Variants in SLC25A6 observed in about 807,000 individuals in gnomAD.
The protein encoded by SLC25A6 is ADP/ATP translocase 3.
A neutral mutation model predicts 25.7 loss-of-function variants in SLC25A6; 9 were observed. The ratio of observed to expected loss-of-function variants is 0.35; its 90% CI spans 0.21 to 0.61. The LOEUF is 0.61. Among genes scored for constraint, SLC25A6 ranks in the 20% least tolerant of loss-of-function variants. The probability of loss-of-function intolerance (pLI) is 0.76; values close to 1 mark genes in which losing one functional copy is unlikely to be tolerated. For synonymous variants in SLC25A6, 223 were observed against 197.0 expected (o/e 1.13, Z -1.11); for missense variants, 404 against 440.5 (o/e 0.92, Z 0.74).
Position 1,389,622 on chromosome X carries a change from C to G in SLC25A6, c.217G>C (p.Gly73Arg). The G allele has an allele frequency of 6.2e-7, 1 of 1,614,114 alleles. No individual in the cohort carries two copies. Among genetic ancestry groups the G allele is most frequent in the Non-Finnish European group, 8.5e-7 (1 of 1,180,024 alleles). Residue 73 changes from glycine (G) to arginine (R), a missense_variant, in exon 2 of 4, where the codon GGC becomes CGC. Gly to Arg is a moderately radical substitution (Grantham distance 125, BLOSUM62 -2). Coordinates refer to ENST00000381401, the MANE Select transcript of SLC25A6 (RefSeq NM_001636.4). ...KEQGVLSFWR[G>R]NLANVIRYFP... ...TAGCGAATGACGTTGGCAAGGTTGC[C>G]CCTCCAGAAGGACAGCACGCCCTGC...
At chrX:1,390,365 A>C in intron 1 of SLC25A6, 1 of 154,146 alleles carries the variant, frequency 6.5e-6, no homozygotes, top group Non-Finnish European at 1.4e-5. Context: ...TGGGAGGCTG[A>C]GGTGGGTGGA....
chrX:1,386,943 G>C (rs1603449634), intron 3 of SLC25A6, among the ~76,000 whole-genome samples, 184 bp from the exon 4 acceptor site: 1 of 152,080 alleles, frequency 6.6e-6, no homozygotes, highest in Non-Finnish European at 1.5e-5. Context: ...CTGTCTCAGG[G>C]AGGGCTGGAC....
At chrX:1,389,205 C>A in intron 2 of SLC25A6, 36 bp downstream of exon 2, 1 of 1,596,242 alleles carries the variant, frequency 6.3e-7, no homozygotes, top group East Asian at 2.2e-5. Flanking sequence ...TGTGTTGAGC[C>A]CGTCTCTGGG....
At position 1,386,392 on chromosome X, in the gene SLC25A6, C is replaced by T. The variant is rs1336410102; in HGVS notation, c.*210G>A. ...GCAGGGACGCCACGGTTCCCTCCCA[C>T]CCCGTGATCAAGACACGGAATCGGC... On this transcript the variant is annotated 3_prime_UTR_variant, in exon 4 of 4. Coordinates refer to ENST00000381401, the MANE Select transcript of SLC25A6 (RefSeq NM_001636.4). 3.4e-6 allele frequency: 2 copies of T among 579,758 alleles called. No homozygotes were observed. The highest frequency in any genetic ancestry group is 5.5e-6 in the Non-Finnish European group (2 of 365,734). 35.9% of individuals were successfully genotyped at this position (579,758 alleles called of 1,614,324 possible).
rs1452528944 is a variant in SLC25A6 at position 1,386,572 on chromosome X, T to A, written c.*30A>T. The A allele has an allele frequency of 2.0e-6, 3 of 1,478,122 alleles. No individual in the cohort carries two copies. Among genetic ancestry groups the A allele is most frequent in the Admixed American group, 2.4e-5 (1 of 42,294 alleles). The allele number at this position is 1,478,122 out of a possible 1,614,324, so 91.6% of individuals were successfully genotyped here. On this transcript the variant is annotated 3_prime_UTR_variant, in exon 4 of 4. Coordinates refer to ENST00000381401, the MANE Select transcript of SLC25A6 (RefSeq NM_001636.4). ...CGTGGTTCTCTTGGTTCCCCTGGTGTGTGTGTGTGTGTGGAGGAGGCCGCG... is the reference window on the plus strand; with the variant it reads ...CGTGGTTCTCTTGGTTCCCCTGGTGAGTGTGTGTGTGTGGAGGAGGCCGCG...
chrX:1,391,236 C>T (rs2089404965), intron 1 of SLC25A6, among the ~76,000 whole-genome samples: 1 of 152,150 alleles, frequency 6.6e-6, no homozygotes, highest in Non-Finnish European at 1.5e-5. Context: ...GCGCTGGGAT[C>T]GCGGGCGTGA....
At chrX:1,391,297 G>T (rs2089406442) in intron 1 of SLC25A6, among the ~76,000 whole-genome samples, 1 of 152,126 alleles carries the variant, frequency 6.6e-6, no homozygotes, top group Non-Finnish European at 1.5e-5. Context: ...CTGTCACTCG[G>T]AGTACAACGT....
chrX:1,387,558 G>T, intron 2 of SLC25A6, 139 bp from the exon 3 acceptor site: 1 of 1,253,548 alleles, frequency 8.0e-7, no homozygotes, highest in Non-Finnish European at 1.1e-6. Flanking sequence ...CCACGTGGCT[G>T]CTCAGTGCCA....
intron 2 of SLC25A6, among the ~76,000 whole-genome samples, chrX:1,388,989 G>T (rs1322277047): frequency 6.6e-6 from 1 of 151,014 alleles, no homozygotes; most frequent in Non-Finnish European, 1.5e-5. Context: ...CCCAGTCTAT[G>T]GTATTCTGTG....
At chrX:1,389,156 C>T in intron 2 of SLC25A6, 85 bp downstream of exon 2, 2 of 1,485,010 alleles carry the variant, frequency 1.3e-6, no homozygotes, top group Non-Finnish European at 1.8e-6. Context: ...CACACCTTAT[C>T]TCAGACCTTC....
chrX:1,386,775 G>C lies in SLC25A6; in HGVS notation c.740-16C>G. ...ATGATGTCAGCTGCAACGACAGGGA[G>C]ACAGTGAGGGCCTCGCCGCCAAGCT... On this transcript the variant is annotated splice_polypyrimidine_tract_variant and intron_variant, in intron 3 of 3. Coordinates refer to ENST00000381401, the MANE Select transcript of SLC25A6 (RefSeq NM_001636.4). The C allele has an allele frequency of 6.3e-7, 1 of 1,598,606 alleles. No individual in the cohort carries two copies. Among genetic ancestry groups the C allele is most frequent in the Non-Finnish European group, 8.5e-7 (1 of 1,173,306 alleles).
chrX:1,389,449 G>C lies in SLC25A6; in HGVS notation c.390C>G (p.Phe130Leu). The C allele has an allele frequency of 1.9e-6, 3 of 1,613,920 alleles. No individual in the cohort carries two copies. The highest frequency in any genetic ancestry group is 1.1e-5 in the South Asian group (1 of 91,066). The change falls in exon 2 of 4, where the codon TTC becomes TTG. Residue 130 changes from phenylalanine (F) to leucine (L), a missense_variant. Physicochemically the swap from Phe to Leu is conservative, Grantham distance 22 (BLOSUM62 0). Transcript: ENST00000381401. ...GGAAGATSLC[F>L]VYPLDFARTR... ...TTCTGGCGAAATCCAGCGGGTACAC[G>C]AAGCAGAGGGAGGTCGCGCCGGCCG...
In SLC25A6 at chrX:1,389,614, A is replaced by G. The variant is rs11550233; in HGVS notation, c.225T>C (p.Leu75=). 1.2e-6 allele frequency: 2 copies of G among 1,614,004 alleles called. No individual in the cohort carries two copies. Among genetic ancestry groups the G allele is most frequent in the African/African-American group, 1.3e-5 (1 of 74,918 alleles). ...QGVLSFWRGN[L]ANVIRYFPTQ... ...TGGGGAAGTAGCGAATGACGTTGGCAAGGTTGCCCCTCCAGAAGGACAGCA... is the reference window on the plus strand; with the variant it reads ...TGGGGAAGTAGCGAATGACGTTGGCGAGGTTGCCCCTCCAGAAGGACAGCA... The change falls in exon 2 of 4, where the codon CTT becomes CTC. Residue 75 remains leucine (L), a synonymous_variant. Coordinates refer to ENST00000381401, the MANE Select transcript of SLC25A6 (RefSeq NM_001636.4).
At chrX:1,388,659 G>A (rs2089359487) in intron 2 of SLC25A6, among the ~76,000 whole-genome samples, 1 of 152,140 alleles carries the variant, frequency 6.6e-6, no homozygotes, top group African/African-American at 2.4e-5. Context: ...AGAGGCCTCA[G>A]GAGGAACCAG....
intron 2 of SLC25A6, among the ~76,000 whole-genome samples, chrX:1,389,026 TC>T (rs1349654972): frequency 4.7e-5 from 7 of 149,650 alleles, no homozygotes; most frequent in Non-Finnish European, 8.9e-5. Flanking sequence ...GATTAAGACA[TC>T]CCATAAGAAG....
chrX:1,390,580 A>G (rs1243807789), intron 1 of SLC25A6, among the ~76,000 whole-genome samples: 13 of 150,588 alleles, frequency 8.6e-5, no homozygotes, highest in Middle Eastern at 3.4e-3. Context: ...TCCATCTCAA[A>G]AAAAAAAAAA....
intron 1 of SLC25A6, chrX:1,390,398 G>A (rs1285032359): frequency 6.5e-6 from 1 of 154,140 alleles, no homozygotes; most frequent in African/African-American, 2.4e-5. Context: ...GAGATCAAGA[G>A]CATCCTAACA....
intron 2 of SLC25A6, among the ~76,000 whole-genome samples, 155 bp from the exon 3 acceptor site, chrX:1,387,574 C>T (rs2089342277): frequency 6.6e-6 from 1 of 152,128 alleles, no homozygotes; most frequent in South Asian, 2.1e-4. Context: ...TGCCAGCTGA[C>T]GTTTACAACA....
rs1225802911 is a variant in SLC25A6, at chrX:1,387,219, C to A, written c.739+60G>T. Reference sequence around the variant, plus strand: ...TGATGGTTCCTGACCTCCCACGGGCCTAGGGCAAGGAGCTTGGTTCCCCTT... The same window carrying A: ...TGATGGTTCCTGACCTCCCACGGGCATAGGGCAAGGAGCTTGGTTCCCCTT... On this transcript the variant is annotated intron_variant, in intron 3 of 3. Transcript: ENST00000381401. 7 of 1,593,402 alleles carry A rather than the reference C, an allele frequency of 4.4e-6. No homozygotes were observed. The African/African-American group carries it at 9.4e-5, about 21-fold the overall frequency.
Sources: allele counts gnomAD v4.1 joint callset (sites outside exome capture counted in the v4.1 genomes callset), GRCh38; gene constraint gnomAD v4.1.1; transcripts MANE v1.5; gene names NCBI Gene and HGNC (gene_info 2026-07-23, HGNC 2026-07-21).